COL24A1: variants seen among roughly 807,000 people sequenced by gnomAD.
The protein encoded by COL24A1 is collagen type XXIV alpha 1 chain, also known as collagen alpha-1(XXIV) chain.
A neutral mutation model predicts 253.9 loss-of-function variants in COL24A1; 224 were observed. The observed-to-expected ratio is 0.88, with a 90% confidence interval of 0.79 to 0.99. The LOEUF is 0.99. COL24A1 is among the 50% of genes least tolerant of loss of function. COL24A1 has a pLI of 0.00. For missense variants in COL24A1, 2,131 were observed against 2,068.5 expected (o/e 1.03, Z -0.59); for synonymous variants, 685 against 673.7 (o/e 1.02, Z -0.26).
At chr1:85,887,470 G>C (rs1231845813) in intron 32 of COL24A1, among the ~76,000 whole-genome samples, 8 of 151,626 alleles carry the variant, frequency 5.3e-5, no homozygotes, top group Non-Finnish European at 8.8e-5. Context: ...TCAGGGGTCA[G>C]CAAACTTTTT....
chr1:86,009,888 G>A (rs561997463), intron 19 of COL24A1, among the ~76,000 whole-genome samples: 7 of 152,200 alleles, frequency 4.6e-5, no homozygotes, highest in Admixed American at 4.6e-4. Flanking sequence ...GCCCATCGTT[G>A]ACCAAAACAA....
Position 85,834,125 on chromosome 1 carries a change from A to T in COL24A1, c.3681+4460T>A, listed in dbSNP as rs530379411. ...AAAACTTAAAGTATAATAATAATAA[A>T]ATTTAAAAAAAAAGTAAATACAAAA... On this transcript the variant is annotated intron_variant, in intron 43 of 59. Transcript: ENST00000370571. Among the ~76,000 whole-genome samples, 528 of 152,126 alleles carry T rather than the reference A, an allele frequency of 3.5e-3. 2 individuals carry two copies. Among genetic ancestry groups the T allele is most frequent in the Non-Finnish European group, 5.6e-3 (381 of 68,004 alleles).
chr1:85,770,010 G>A (rs1023357928), intron 53 of COL24A1, among the ~76,000 whole-genome samples: 1 of 152,106 alleles, frequency 6.6e-6, no homozygotes, highest in East Asian at 1.9e-4. Context: ...GGATACTGGG[G>A]AGGCATGCAG....
intron 2 of COL24A1, among the ~76,000 whole-genome samples, chr1:86,133,343 T>C (rs1360077758): frequency 6.6e-6 from 1 of 152,200 alleles, no homozygotes; most frequent in Non-Finnish European, 1.5e-5. Context: ...TACCCTTTAT[T>C]TCCTTCTCCT....
chr1:85,898,104 G>C (rs1390392955), intron 28 of COL24A1, among the ~76,000 whole-genome samples: 1 of 152,172 alleles, frequency 6.6e-6, no homozygotes, highest in Non-Finnish European at 1.5e-5. Context: ...AGATGTAAGT[G>C]TGGAAAAGAA....
At chr1:86,039,880 CCTT>C (rs1245034516) in intron 12 of COL24A1, among the ~76,000 whole-genome samples, 1 of 152,052 alleles carries the variant, frequency 6.6e-6, no homozygotes, top group Non-Finnish European at 1.5e-5. Flanking sequence ...ATCTTTTCAC[CCTT>C]CTTTTCCTCA....
At chr1:85,770,672 A>C (rs1667860788) in intron 53 of COL24A1, among the ~76,000 whole-genome samples, 1 of 152,212 alleles carries the variant, frequency 6.6e-6, no homozygotes, top group East Asian at 1.9e-4. Flanking sequence ...TAAAAAACTT[A>C]TTAAAAAATA....
rs1383603985 is a variant in COL24A1 at position 85,746,112 on chromosome 1, T to G, written c.4438-606A>C. 2.0e-5 allele frequency among the ~76,000 whole-genome samples: 3 copies of G among 152,122 alleles called. No individual in the cohort carries two copies. The East Asian group carries it at 5.8e-4, about 29-fold the overall frequency. ...ACCATTAGTAAAAGTCTTTTTTTTT[T>G]GTAATTCTTTTAAAAAAATTATCTT... On this transcript the variant is annotated intron_variant, in intron 55 of 59. Transcript: ENST00000370571.
chr1:86,012,611 TA>T (rs11339601), intron 19 of COL24A1, among the ~76,000 whole-genome samples: 47,096 of 151,438 alleles, frequency 0.31, 7,795 homozygotes, highest in Middle Eastern at 0.51. Flanking sequence ...AAAATAGAAA[TA>T]AAAAATCATG....
intron 57 of COL24A1, among the ~76,000 whole-genome samples, chr1:85,741,943 C>T (rs1267114214): frequency 6.6e-6 from 1 of 152,004 alleles, no homozygotes; most frequent in Middle Eastern, 3.2e-3. Context: ...TTAACGTGGA[C>T]CCAGTTAATC....
At chr1:86,146,217 A>G (rs1460762996) in intron 1 of COL24A1, 34 bp from the exon 2 acceptor site, 1 of 1,550,060 alleles carries the variant, frequency 6.5e-7, no homozygotes, top group Admixed American at 1.7e-5. Flanking sequence ...GGAAAAACTT[A>G]CTAGTTGGAC....
rs1663884890 is a variant in COL24A1 at position 85,734,894 on chromosome 1, A to G, written c.4853T>C (p.Ile1618Thr). 6.2e-7 allele frequency: 1 copy of G among 1,614,068 alleles called. No individual in the cohort carries two copies. Among genetic ancestry groups the G allele is most frequent in the Admixed American group, 1.7e-5 (1 of 60,002 alleles). The stretch of plus-strand genomic sequence containing the variant: ...TGGGGTGTTTAGACAGTGAATGGTG[A>G]TGATATGGGTGGCTTCCGAACTCAG... ...HLLSSEATHI[I>T]TIHCLNTPRW... Residue 1618 changes from isoleucine to threonine, a missense_variant, in exon 59 of 60, where the codon ATC becomes ACC. Transcript: ENST00000370571.
chr1:86,092,870 G>A (rs1703608075), intron 5 of COL24A1, among the ~76,000 whole-genome samples: 1 of 151,872 alleles, frequency 6.6e-6, no homozygotes, highest in Non-Finnish European at 1.5e-5. Context: ...TTCACAGTGT[G>A]GGGATCTTTA....
At chr1:85,731,001 G>T (rs572942979) in intron 59 of COL24A1, among the ~76,000 whole-genome samples, 1 of 152,280 alleles carries the variant, frequency 6.6e-6, no homozygotes, top group South Asian at 2.1e-4. Context: ...CTCCTAATAT[G>T]AGTAATAACC....
intron 23 of COL24A1, among the ~76,000 whole-genome samples, chr1:85,961,545 T>C (rs1299317827): frequency 6.6e-6 from 1 of 152,206 alleles, no homozygotes; most frequent in African/African-American, 2.4e-5. Context: ...AACTCTGTTA[T>C]AGTATTTCTA....
chr1:85,851,190 T>C (rs1677731797), intron 37 of COL24A1, among the ~76,000 whole-genome samples: 1 of 152,066 alleles, frequency 6.6e-6, no homozygotes. Flanking sequence ...GTATTTTGTA[T>C]CTTTAAAAAT....
At chr1:85,788,043 G>A (rs973673448) in intron 47 of COL24A1, among the ~76,000 whole-genome samples, 3 of 151,864 alleles carry the variant, frequency 2.0e-5, no homozygotes, top group Non-Finnish European at 1.5e-5. Flanking sequence ...TTTGAGAAAT[G>A]TCTGTTCATG....
At chr1:86,023,586 C>T (rs1339622990) in intron 14 of COL24A1, among the ~76,000 whole-genome samples, 1 of 151,972 alleles carries the variant, frequency 6.6e-6, no homozygotes, top group Non-Finnish European at 1.5e-5. Context: ...ATTTACTAAG[C>T]ATAATATGTA....
chr1:86,111,954 C>T (rs982509309), intron 5 of COL24A1, among the ~76,000 whole-genome samples: 1 of 152,224 alleles, frequency 6.6e-6, no homozygotes, highest in Non-Finnish European at 1.5e-5. Context: ...AAGGAACAAA[C>T]TCTGGACACA....
Sources: allele counts gnomAD v4.1 joint callset (sites outside exome capture counted in the v4.1 genomes callset), GRCh38; gene constraint gnomAD v4.1.1; transcripts MANE v1.5; gene names NCBI Gene and HGNC (gene_info 2026-07-23, HGNC 2026-07-21).